GNAQ: variants seen among roughly 807,000 people sequenced by gnomAD.
GNAQ encodes guanine nucleotide-binding protein G(q) subunit alpha.
GNAQ carries 8 observed loss-of-function variants against 43.9 expected under a neutral mutation model. That is an observed-to-expected ratio of 0.18 (90% CI 0.11 to 0.33). GNAQ has a LOEUF of 0.33. GNAQ is among the 10% of genes least tolerant of loss of function. The pLI is 1.00. For missense variants in GNAQ, 158 were observed against 450.8 expected (o/e 0.35, Z 5.88); for synonymous variants, 155 against 170.7 (o/e 0.91, Z 0.71).
intron 5 of GNAQ, among the ~76,000 whole-genome samples, chr9:77,763,828 GAA>G (rs1312638053): frequency 6.6e-6 from 1 of 152,222 alleles, no homozygotes; most frequent in Non-Finnish European, 1.5e-5. Flanking sequence ...AACAGTTTGT[GAA>G]AGTCTGTAAA....
At chr9:77,870,620 C>A (rs563492940) in intron 2 of GNAQ, among the ~76,000 whole-genome samples, 2 of 151,996 alleles carry the variant, frequency 1.3e-5, no homozygotes, top group South Asian at 4.1e-4. Flanking sequence ...CCACCGCGCC[C>A]CGCCTTTGGT....
At chr9:77,977,853 G>A (rs896475957) in intron 1 of GNAQ, among the ~76,000 whole-genome samples, 3 of 152,072 alleles carry the variant, frequency 2.0e-5, no homozygotes, top group Non-Finnish European at 4.4e-5. Flanking sequence ...TGGGATCATG[G>A]GTGTAGTTAT....
chr9:77,930,030 T>C (rs1228565019), intron 1 of GNAQ, among the ~76,000 whole-genome samples: 2 of 152,194 alleles, frequency 1.3e-5, no homozygotes, highest in Non-Finnish European at 2.9e-5. Flanking sequence ...ATTTTTTGCT[T>C]TTGTAAATAA....
chr9:77,813,517 T>G (rs1396807260), intron 3 of GNAQ, among the ~76,000 whole-genome samples: 1 of 152,112 alleles, frequency 6.6e-6, no homozygotes, highest in African/African-American at 2.4e-5. Context: ...TCATACTAAC[T>G]AATGGGTCCA....
intron 2 of GNAQ, among the ~76,000 whole-genome samples, chr9:77,876,867 T>C (rs975747879): frequency 3.3e-5 from 5 of 152,218 alleles, no homozygotes; most frequent in Non-Finnish European, 2.9e-5. Context: ...ACAACAGCGA[T>C]AGTCTCAACT....
At chr9:78,012,144 T>A (rs957595278) in intron 1 of GNAQ, among the ~76,000 whole-genome samples, 1 of 151,962 alleles carries the variant, frequency 6.6e-6, no homozygotes, top group African/African-American at 2.4e-5. Flanking sequence ...ATCTACTACG[T>A]GGCAAGCAAG....
chr9:77,942,880 CAAATT>C (rs1267584416), intron 1 of GNAQ, among the ~76,000 whole-genome samples: 1 of 152,182 alleles, frequency 6.6e-6, no homozygotes, highest in African/African-American at 2.4e-5. Context: ...CAAGCATTTA[CAAATT>C]AAATTTTAAG....
At chr9:77,822,584 T>C (rs1383838999) in intron 2 of GNAQ, among the ~76,000 whole-genome samples, 1 of 148,368 alleles carries the variant, frequency 6.7e-6, no homozygotes, top group Non-Finnish European at 1.5e-5. Context: ...GTTGGTAGAA[T>C]TCAGACAGGC....
chr9:77,903,020 G>A (rs2118163740), intron 2 of GNAQ, among the ~76,000 whole-genome samples: 1 of 152,196 alleles, frequency 6.6e-6, no homozygotes, highest in African/African-American at 2.4e-5. Context: ...CTCCAAGCAG[G>A]TGTCAATGGT....
At chr9:77,948,517 G>T (rs545341664) in intron 1 of GNAQ, among the ~76,000 whole-genome samples, 76 of 151,948 alleles carry the variant, frequency 5.0e-4, no homozygotes, top group Admixed American at 1.9e-3. Flanking sequence ...AGGACACAGA[G>T]GGGGGGCAGA....
intron 1 of GNAQ, among the ~76,000 whole-genome samples, chr9:77,939,310 G>A (rs983727474): frequency 2.6e-5 from 4 of 152,160 alleles, no homozygotes; most frequent in Non-Finnish European, 5.9e-5. Flanking sequence ...TGCATGCAAC[G>A]GCTACGCATG....
intron 3 of GNAQ, among the ~76,000 whole-genome samples, chr9:77,802,402 T>G (rs1376160174): frequency 6.6e-6 from 1 of 152,214 alleles, no homozygotes; most frequent in African/African-American, 2.4e-5. Flanking sequence ...ACATCATCAT[T>G]TGATGGTCCT....
chr9:77,912,196 A>C (rs1399677897), intron 2 of GNAQ, among the ~76,000 whole-genome samples: 1 of 152,234 alleles, frequency 6.6e-6, no homozygotes, highest in Non-Finnish European at 1.5e-5. Context: ...AGTGGCACAA[A>C]GATATACAAA....
rs141720797 is a variant in GNAQ at position 77,806,025 on chromosome 9, G to C, written c.477-8377C>G. ...AATAGGAAAAGGGCCAGGCAACTAA[G>C]TGTCTGCCAGACAGATGCCAGGGCT... On this transcript the variant is annotated intron_variant, in intron 3 of 6. Coordinates refer to ENST00000286548, the MANE Select transcript of GNAQ (RefSeq NM_002072.5). 6.9e-4 allele frequency among the ~76,000 whole-genome samples: 105 copies of C among 152,308 alleles called. 1 individual carries two copies. The East Asian group carries it at 0.016, about 24-fold the overall frequency.
intron 2 of GNAQ, among the ~76,000 whole-genome samples, chr9:77,856,671 G>T (rs1827760633): frequency 6.6e-6 from 1 of 152,062 alleles, no homozygotes; most frequent in African/African-American, 2.4e-5. Flanking sequence ...GCAAATTTAA[G>T]GAAACTTCTT....
intron 2 of GNAQ, among the ~76,000 whole-genome samples, chr9:77,918,983 G>A (rs1295754143): frequency 2.0e-5 from 3 of 152,156 alleles, no homozygotes; most frequent in Admixed American, 2.0e-4. Flanking sequence ...GTAGCGGCAT[G>A]ATCTCAGCTC....
intron 2 of GNAQ, among the ~76,000 whole-genome samples, chr9:77,842,664 C>T (rs967980664): frequency 6.6e-6 from 1 of 152,112 alleles, no homozygotes; most frequent in Non-Finnish European, 1.5e-5. Context: ...AGAGATTCCC[C>T]TGGTTTCCCA....
At chr9:78,016,070 T>C (rs760576835) in intron 1 of GNAQ, among the ~76,000 whole-genome samples, 4 of 152,166 alleles carry the variant, frequency 2.6e-5, no homozygotes, top group Non-Finnish European at 5.9e-5. Flanking sequence ...AAGGATTATG[T>C]TGAAACCCCA....
chr9:78,031,737 C>T lies in GNAQ; in HGVS notation c.-502G>A, dbSNP rs974283886. 2.0e-5 allele frequency among the ~76,000 whole-genome samples: 3 copies of T among 147,834 alleles called. No individual in the cohort carries two copies. The highest frequency in any genetic ancestry group is 4.5e-5 in the Non-Finnish European group (3 of 66,406). On this transcript the variant is annotated 5_prime_UTR_variant, in exon 1 of 7. Transcript: ENST00000286548. ...CTCCTCGCCGCCGCCTGACACGGCT[C>T]CCGGGCGCCCTCGGCCCTGTCCGCG... is the stretch of plus-strand genomic sequence containing the variant.
Sources: allele counts gnomAD v4.1 joint callset (sites outside exome capture counted in the v4.1 genomes callset), GRCh38; gene constraint gnomAD v4.1.1; transcripts MANE v1.5; gene names NCBI Gene and HGNC (gene_info 2026-07-23, HGNC 2026-07-21).